The following LRRC47 variants were observed in gnomAD, a reference collection of about 807,000 sequenced individuals.
LRRC47 encodes the protein leucine-rich repeat-containing protein 47.
LRRC47 carries 31 observed loss-of-function variants against 40.9 expected under a neutral mutation model. The ratio of observed to expected loss-of-function variants is 0.76; its 90% CI spans 0.57 to 1.02. The LOEUF (loss-of-function observed/expected upper bound fraction) is 1.02, where lower values mean the gene tolerates loss of function less well. Among genes scored for constraint, LRRC47 ranks in the 50% least tolerant of loss-of-function variants. The pLI is 0.00. For missense variants in LRRC47, 726 were observed against 796.1 expected, an observed-to-expected ratio of 0.91 and a Z score of 1.06; for synonymous variants, 427 against 371.9, an observed-to-expected ratio of 1.15 and a Z score of -1.70.
intron 4 of LRRC47, 121 bp downstream of exon 4, chr1:3,783,875 T>G (rs1643545103): frequency 1.3e-6 from 1 of 749,640 alleles, no homozygotes; most frequent in East Asian, 2.7e-5. Context: ...TGTACCCTGT[T>G]AAGAAGCTTC....
intron 1 of LRRC47, among the ~76,000 whole-genome samples, chr1:3,790,951 G>A (rs747094057): frequency 2.0e-5 from 3 of 152,238 alleles, no homozygotes; most frequent in Non-Finnish European, 4.4e-5. Flanking sequence ...AACCGGAACT[G>A]GGCTCGCACT....
In LRRC47 at chr1:3,780,748, T is replaced by A; in HGVS notation, c.*340A>T. On this transcript the variant is annotated 3_prime_UTR_variant, in exon 7 of 7. Coordinates refer to ENST00000378251, the MANE Select transcript of LRRC47 (RefSeq NM_020710.3). ...ATCCCAGCACTTTGAGGGGCAGAGG[T>A]GGACAGATCATGAGGTCAAGAGATC... is the stretch of plus-strand genomic sequence containing the variant. The A allele has an allele frequency of 3.9e-6, 1 of 253,926 alleles. No homozygotes were observed. The highest frequency in any genetic ancestry group is 7.6e-6 in the Non-Finnish European group (1 of 131,134). 15.7% of individuals were successfully genotyped at this position (253,926 alleles called of 1,614,324 possible).
rs778860890 is a variant in LRRC47, at chr1:3,780,680, G to A, written c.*408C>T. 5.7e-6 allele frequency: 1 copy of A among 174,044 alleles called. No homozygotes were observed. The highest frequency in any genetic ancestry group is 1.2e-5 in the Non-Finnish European group (1 of 82,074). The allele number at this position is 174,044 out of a possible 1,614,324, so 10.8% of individuals were successfully genotyped here. A position where few individuals can be genotyped will look rare whatever the true frequency, so the allele number is the denominator to read the frequency against. ...GGTGGGCCAGGCACAGCTCACGCCT[G>A]TAATCCCAGCACTTTGGGAGGCTGA... On this transcript the variant is annotated 3_prime_UTR_variant, in exon 7 of 7. Coordinates refer to ENST00000378251, the MANE Select transcript of LRRC47 (RefSeq NM_020710.3).
rs1054066195 is a variant in LRRC47, at chr1:3,796,171, C to A, written c.306G>T (p.Arg102=). The A allele has an allele frequency of 1.7e-5, 25 of 1,443,050 alleles. No homozygotes were observed. In the African/African-American group the frequency reaches 3.4e-4, roughly 20 times the overall value. The allele number at this position is 1,443,050 out of a possible 1,614,324, so 89.4% of individuals were successfully genotyped here. The change falls in exon 1 of 7, where the codon CGG becomes CGT. Residue 102 remains arginine (R), a synonymous_variant. Transcript: ENST00000378251. The part of the protein sequence containing the change: ...SPELGPLPAL[R]VLDLSGNALE... ...GCGCGTTGCCCGACAGGTCGAGCAC[C>A]CGAAGGGCAGGCAGCGGCCCGAGCT...
In LRRC47 at chr1:3,787,014, G is replaced by A. The variant is rs145952899; in HGVS notation, c.912C>T (p.Ala304=). Residue 304 remains alanine (A), a synonymous_variant, in exon 2 of 7, where the codon GCC becomes GCT. Coordinates refer to ENST00000378251, the MANE Select transcript of LRRC47 (RefSeq NM_020710.3). Reference sequence around the variant, plus strand: ...GCAGGACCCTGAGCAGCAGCCGGCCGGCATCTCCCACGTCCTGCTCCTCCC... The same window carrying A: ...GCAGGACCCTGAGCAGCAGCCGGCCAGCATCTCCCACGTCCTGCTCCTCCC... The part of the protein sequence containing the change: ...GDGEEQDVGD[A]GRLLLRVLHV... 173 of 1,611,430 alleles carry A rather than the reference G, an allele frequency of 1.1e-4. 1 individual carries two copies. The highest frequency in any genetic ancestry group is 2.9e-4 in the South Asian group (26 of 90,740).
chr1:3,793,908 A>G (rs1029900556), intron 1 of LRRC47, among the ~76,000 whole-genome samples: 1 of 152,118 alleles, frequency 6.6e-6, no homozygotes, highest in African/African-American at 2.4e-5. Context: ...ATTTAGTAAT[A>G]AAACTCGGCC....
At chr1:3,789,166 G>C (rs547052775) in intron 1 of LRRC47, among the ~76,000 whole-genome samples, 14 of 152,356 alleles carry the variant, frequency 9.2e-5, no homozygotes, top group African/African-American at 3.1e-4. Flanking sequence ...GCAGCACCAG[G>C]AACAGTGCGG....
Position 3,781,210 on chromosome 1 carries a change from C to G in LRRC47, c.1630G>C (p.Gly544Arg). The G allele has an allele frequency of 6.2e-7, 1 of 1,614,214 alleles. No homozygotes were observed. The highest frequency in any genetic ancestry group is 8.5e-7 in the Non-Finnish European group (1 of 1,180,042). Residue 544 changes from glycine to arginine, a missense_variant, in exon 7 of 7, where the codon GGG becomes CGG. Transcript: ENST00000378251. ...TGCTCCACCACCAGAAGGGAGGGCC[C>G]GTCCTTTCCAGCACTGGGATTCGTT... is the stretch of plus-strand genomic sequence containing the variant. The part of the protein sequence containing the change: ...PTTNPSAGKD[G>R]PSLLVVEQVR...
At position 3,781,214 on chromosome 1, in the gene LRRC47, C is replaced by T; in HGVS notation, c.1626G>A (p.Lys542=). ...PDPTTNPSAG[K]DGPSLLVVEQ... ...CCACCACCAGAAGGGAGGGCCCGTC[C>T]TTTCCAGCACTGGGATTCGTTGTGG... The change falls in exon 7 of 7, where the codon AAG becomes AAA. Residue 542 remains lysine (K), a synonymous_variant. Transcript: ENST00000378251. 6.2e-7 allele frequency: 1 copy of T among 1,614,234 alleles called. No homozygotes were observed. The highest frequency in any genetic ancestry group is 8.5e-7 in the Non-Finnish European group (1 of 1,180,046).
At chr1:3,793,116 C>CT (rs200790669) in intron 1 of LRRC47, among the ~76,000 whole-genome samples, 418 of 146,292 alleles carry the variant, frequency 2.9e-3, no homozygotes, top group Non-Finnish European at 4.7e-3. Context: ...TTCCAACTAC[C>CT]TTTTTTTTTT....
intron 1 of LRRC47, among the ~76,000 whole-genome samples, chr1:3,789,164 AG>A (rs1455548914): frequency 3.3e-5 from 5 of 152,330 alleles, no homozygotes; most frequent in Non-Finnish European, 7.3e-5. Flanking sequence ...CTGCAGCACC[AG>A]GAACAGTGCG....
intron 1 of LRRC47, among the ~76,000 whole-genome samples, chr1:3,794,118 C>T (rs1230515543): frequency 6.6e-6 from 1 of 151,926 alleles, no homozygotes; most frequent in Non-Finnish European, 1.5e-5. Context: ...TGGCGTGAAC[C>T]CGGGAGGCGG....
chr1:3,786,846 C>G lies in LRRC47; in HGVS notation c.1077+3G>C. The G allele has an allele frequency of 6.3e-7, 1 of 1,580,564 alleles. No homozygotes were observed. The highest frequency in any genetic ancestry group is 8.6e-7 in the Non-Finnish European group (1 of 1,161,552). ...TCATCTGAGGACCCCCACGGGCACCCACCTGCGAGGTGAGGAAGCGCTTGA... is the reference window on the plus strand; with the variant it reads ...TCATCTGAGGACCCCCACGGGCACCGACCTGCGAGGTGAGGAAGCGCTTGA... On this transcript the variant is annotated splice_donor_region_variant and intron_variant, in intron 2 of 6. Transcript: ENST00000378251.
chr1:3,781,000 G>A lies in LRRC47; in HGVS notation c.*88C>T. The stretch of plus-strand genomic sequence containing the variant: ...AAAAAAAAAAACCAACAAAAAAACT[G>A]GGGTGAAAATCTAACGGATAATTCA... On this transcript the variant is annotated 3_prime_UTR_variant, in exon 7 of 7. Coordinates refer to ENST00000378251, the MANE Select transcript of LRRC47 (RefSeq NM_020710.3). 1 of 1,530,634 alleles carries A rather than the reference G, an allele frequency of 6.5e-7. No individual in the cohort carries two copies. Among genetic ancestry groups the A allele is most frequent in the Non-Finnish European group, 8.8e-7 (1 of 1,139,352 alleles). 94.8% of individuals were successfully genotyped at this position (1,530,634 alleles called of 1,614,324 possible). A position where few individuals can be genotyped will look rare whatever the true frequency, so the allele number is the denominator to read the frequency against.
chr1:3,781,817 A>C (rs1643523236), intron 5 of LRRC47, among the ~76,000 whole-genome samples: 1 of 152,082 alleles, frequency 6.6e-6, no homozygotes, highest in African/African-American at 2.4e-5. Flanking sequence ...CCATCTCTAC[A>C]AAAAAATACA....
chr1:3,796,015 G>A lies in LRRC47; in HGVS notation c.462C>T (p.Arg154=), dbSNP rs1643672006. ...TGCCGGTGAGGTTGAGGCTCTGCAG[G>A]CGCGGGGCGCAGCGCGCCAGGTCGG... ...LPADLARCAP[R]LQSLNLTGNC... Residue 154 remains arginine (R), a synonymous_variant, in exon 1 of 7, where the codon CGC becomes CGT. Transcript: ENST00000378251. 4 of 1,553,102 alleles carry A rather than the reference G, an allele frequency of 2.6e-6. No individual in the cohort carries two copies. The highest frequency in any genetic ancestry group is 2.4e-5 in the East Asian group (1 of 41,520).
At chr1:3,782,218 T>C (rs991294239) in intron 5 of LRRC47, among the ~76,000 whole-genome samples, 5 of 151,280 alleles carry the variant, frequency 3.3e-5, no homozygotes, top group Admixed American at 2.6e-4. Context: ...TTTCTTCCTC[T>C]TCTTTTTTTT....
chr1:3,786,756 G>T, intron 2 of LRRC47, 93 bp downstream of exon 2: 6 of 1,237,046 alleles, frequency 4.9e-6, no homozygotes, highest in Non-Finnish European at 6.6e-6. Context: ...CTCCACTGCT[G>T]CTCCTTCGGA....
rs1643518435 is a variant in LRRC47, at chr1:3,781,360, A to T, written c.1504-24T>A. ...TTCTGCAAATAAAAAATACCTTTTT[A>T]ACCTGGAGATGAGAGGTGACCCAGG... On this transcript the variant is annotated intron_variant, in intron 6 of 6. Transcript: ENST00000378251. The T allele has an allele frequency of 2.5e-6, 4 of 1,608,008 alleles. No homozygotes were observed. The Admixed American group carries it at 5.0e-5, about 20-fold the overall frequency.
Sources: allele counts gnomAD v4.1 joint callset (sites outside exome capture counted in the v4.1 genomes callset), GRCh38; gene constraint gnomAD v4.1.1; transcripts MANE v1.5; gene names NCBI Gene and HGNC (gene_info 2026-07-23, HGNC 2026-07-21).